The following UBE2D3 variants were observed in gnomAD, a reference collection of about 807,000 sequenced individuals.
The protein encoded by UBE2D3 is ubiquitin-conjugating enzyme E2 D3.
A neutral mutation model predicts 22.8 loss-of-function variants in UBE2D3; 2 were observed. That is an observed-to-expected ratio of 0.09 (90% CI 0.04 to 0.28). UBE2D3 has a LOEUF of 0.28. Ranked by LOEUF, UBE2D3 falls within the 10% of genes least tolerant of loss-of-function variation. The pLI, the probability that UBE2D3 is intolerant of heterozygous loss-of-function variation, is 1.00. For synonymous variants in UBE2D3, 56 were observed against 60.4 expected (o/e 0.93, Z 0.34); for missense variants, 27 against 182.5 (o/e 0.15, Z 4.91).
chr4:102,819,633 A>C, intron 2 of UBE2D3: 2 of 984,974 alleles, frequency 2.0e-6, no homozygotes, highest in South Asian at 9.4e-5. Flanking sequence ...AAGGCTTGTC[A>C]AAATTCAAAA....
At chr4:102,836,807 T>C (rs984331908) in intron 1 of UBE2D3, among the ~76,000 whole-genome samples, 1 of 152,264 alleles carries the variant, frequency 6.6e-6, no homozygotes, top group Non-Finnish European at 1.5e-5. Context: ...GTCATCCACA[T>C]ATCTTCTTTG....
intron 2 of UBE2D3, among the ~76,000 whole-genome samples, chr4:102,818,361 C>T (rs1729075122): frequency 6.6e-6 from 1 of 152,196 alleles, no homozygotes; most frequent in African/African-American, 2.4e-5. Context: ...AAACTTTCTG[C>T]ACACTTGGCT....
chr4:102,800,313 ACAG>A (rs1308930364), intron 6 of UBE2D3, among the ~76,000 whole-genome samples: 1 of 152,078 alleles, frequency 6.6e-6, no homozygotes, highest in Non-Finnish European at 1.5e-5. Flanking sequence ...AACCCCAAAT[ACAG>A]CAGAATATAA....
intron 1 of UBE2D3, among the ~76,000 whole-genome samples, chr4:102,834,375 C>G (rs1731275103): frequency 6.6e-6 from 1 of 152,128 alleles, no homozygotes; most frequent in South Asian, 2.1e-4. Flanking sequence ...TTAAAAAACT[C>G]TCATTTGATC....
chr4:102,813,902 C>T (rs989274463), intron 2 of UBE2D3, among the ~76,000 whole-genome samples: 2 of 152,130 alleles, frequency 1.3e-5, no homozygotes, highest in Admixed American at 1.3e-4. Flanking sequence ...TGCCATAAAA[C>T]AAACAACAAA....
chr4:102,797,922 A>G (rs1305357756), intron 7 of UBE2D3, among the ~76,000 whole-genome samples: 1 of 151,972 alleles, frequency 6.6e-6, no homozygotes, highest in Non-Finnish European at 1.5e-5. Flanking sequence ...GGTCCTGGAT[A>G]TTACAAGAAA....
rs1161653531 is a variant in UBE2D3 at position 102,796,539 on chromosome 4, G to C, written c.*876C>G. The C allele has an allele frequency of 2.6e-5, 4 of 152,368 alleles. No homozygotes were observed. The highest frequency in any genetic ancestry group is 9.7e-5 in the African/African-American group (4 of 41,408). 9.4% of individuals were successfully genotyped at this position (152,368 alleles called of 1,614,324 possible). ...AACAGTATATACAAAAAACAGCTTT[G>C]CATTTACAAAAGATTGTTTCCCATA... On this transcript the variant is annotated 3_prime_UTR_variant, in exon 8 of 8. Transcript: ENST00000453744.
intron 1 of UBE2D3, 94 bp from the exon 2 acceptor site, chr4:102,826,730 G>A (rs531652456): frequency 7.0e-7 from 1 of 1,419,828 alleles, no homozygotes; most frequent in African/African-American, 1.5e-5. Context: ...TCCGGGGTGG[G>A]TGGGGTGGCG....
intron 1 of UBE2D3, among the ~76,000 whole-genome samples, chr4:102,868,072 C>CTTTTTTTTTTTTTTTTTTTTT (rs11418599): frequency 1.7e-5 from 2 of 115,254 alleles, no homozygotes; most frequent in African/African-American, 7.1e-5. Context: ...GCTTTAGATT[C>CTTTTTTTTTTTTTTTTTTTTT]TTTTTTTTTT....
chr4:102,826,442 T>C (rs765711775), intron 2 of UBE2D3, 43 bp downstream of exon 2: 1 of 1,612,852 alleles, frequency 6.2e-7, no homozygotes, highest in Admixed American at 1.7e-5. Flanking sequence ...GCCCGAGCCT[T>C]CCTTTTCTCC....
At chr4:102,833,917 C>T (rs1169671224) in intron 1 of UBE2D3, among the ~76,000 whole-genome samples, 4 of 152,136 alleles carry the variant, frequency 2.6e-5, no homozygotes, top group South Asian at 2.1e-4. Context: ...CCCCTCTGCC[C>T]GCCAGAATTC....
chr4:102,815,188 T>C (rs223408), intron 2 of UBE2D3, among the ~76,000 whole-genome samples: 2 of 151,818 alleles, frequency 1.3e-5, no homozygotes, highest in East Asian at 3.9e-4. Context: ...GAACTAGAGA[T>C]GTGCGCCACC....
At chr4:102,865,505 A>T (rs947588053) in intron 1 of UBE2D3, among the ~76,000 whole-genome samples, 2 of 151,944 alleles carry the variant, frequency 1.3e-5, no homozygotes, top group African/African-American at 4.8e-5. Context: ...AAAAAAAAAA[A>T]AAAAGACATA....
At chr4:102,860,266 T>C (rs1183932084) in intron 1 of UBE2D3, among the ~76,000 whole-genome samples, 2 of 151,920 alleles carry the variant, frequency 1.3e-5, no homozygotes, top group East Asian at 1.9e-4. Flanking sequence ...TATCAGGTAA[T>C]TTATAGGTCT....
chr4:102,795,408 A>G lies in UBE2D3; in HGVS notation c.*2007T>C, dbSNP rs1725174320. The stretch of plus-strand genomic sequence containing the variant: ...AGAAGTAATTTTGAAAATAGAGCCA[A>G]AGAGCAGTTTTTCTTACCTTGTGGA... On this transcript the variant is annotated 3_prime_UTR_variant, in exon 8 of 8. Transcript: ENST00000453744. 6.6e-6 allele frequency: 1 copy of G among 152,114 alleles called. No homozygotes were observed. The highest frequency in any genetic ancestry group is 1.5e-5 in the Non-Finnish European group (1 of 67,946). The allele number at this position is 152,114 out of a possible 1,614,324, so 9.4% of individuals were successfully genotyped here. A position where few individuals can be genotyped will look rare whatever the true frequency, so the allele number is the denominator to read the frequency against.
chr4:102,826,214 A>C (rs1730464807), intron 2 of UBE2D3, among the ~76,000 whole-genome samples: 1 of 152,028 alleles, frequency 6.6e-6, no homozygotes, highest in South Asian at 2.1e-4. Flanking sequence ...TAAAATAATA[A>C]AGGCGCCTTA....
chr4:102,868,858 C>A (rs554660251), exon 1 of UBE2D3: 9 of 1,519,370 alleles, frequency 5.9e-6, no homozygotes, highest in East Asian at 2.4e-5. Flanking sequence ...AGGAGGGCCT[C>A]GCTACCCGCC....
chr4:102,827,077 G>T, intron 1 of UBE2D3: 2 of 984,458 alleles, frequency 2.0e-6, no homozygotes, highest in Non-Finnish European at 2.4e-6. Context: ...GGAAATAAAG[G>T]AAGGGAGACT....
intron 2 of UBE2D3, chr4:102,825,524 A>C (rs924125586): frequency 8.5e-7 from 1 of 1,176,752 alleles, no homozygotes; most frequent in Non-Finnish European, 1.1e-6. Flanking sequence ...CAGTTAAAGC[A>C]GCCGCCATCT....
Sources: gnomAD v4.1 joint callset for allele counts (sites outside exome capture counted in the v4.1 genomes callset) on GRCh38, gnomAD v4.1.1 for gene constraint, MANE v1.5 for transcripts, NCBI Gene and HGNC (gene_info 2026-07-23, HGNC 2026-07-21) for gene names.